BTBD9: variants seen among roughly 807,000 people sequenced by gnomAD.
The protein encoded by BTBD9 is BTB domain containing 9.
Under a neutral mutation model 64.3 loss-of-function variants are expected in BTBD9, and 49 were observed. The ratio of observed to expected loss-of-function variants is 0.76; its 90% CI spans 0.61 to 0.97. BTBD9 has a LOEUF of 0.97. Ranked by LOEUF, BTBD9 falls within the 50% of genes least tolerant of loss-of-function variation. The probability of loss-of-function intolerance (pLI) is 0.00; values close to 1 mark genes in which losing one functional copy is unlikely to be tolerated. For missense variants in BTBD9, 598 were observed against 762.1 expected (o/e 0.78, Z 2.53); for synonymous variants, 260 against 274.7 (o/e 0.95, Z 0.53).
At chr6:38,536,423 C>G (rs995963254) in intron 6 of BTBD9, among the ~76,000 whole-genome samples, 2 of 152,116 alleles carry the variant, frequency 1.3e-5, no homozygotes, top group African/African-American at 4.8e-5. Flanking sequence ...TCTGGAGATT[C>G]CTCACAAAAC....
chr6:38,437,775 T>C (rs553752559), intron 6 of BTBD9, among the ~76,000 whole-genome samples: 1 of 152,286 alleles, frequency 6.6e-6, no homozygotes. Context: ...TAAAATACAA[T>C]TTTTAAGCAG....
At chr6:38,376,587 A>G (rs1251623987) in intron 6 of BTBD9, among the ~76,000 whole-genome samples, 1 of 152,214 alleles carries the variant, frequency 6.6e-6, no homozygotes, top group African/African-American at 2.4e-5. Flanking sequence ...AAATCCAGAA[A>G]CAAAAGCTGT....
intron 6 of BTBD9, among the ~76,000 whole-genome samples, chr6:38,451,316 G>A (rs140302646): frequency 7.0e-4 from 107 of 152,270 alleles, no homozygotes; most frequent in African/African-American, 2.5e-3. Flanking sequence ...GATATTTTGT[G>A]CTTACTAAAG....
rs539850669 is a variant in BTBD9 at position 38,426,688 on chromosome 6, G to A, written c.1155-81595C>T. Among the ~76,000 whole-genome samples, 3 of 151,996 alleles carry A rather than the reference G, an allele frequency of 2.0e-5. No homozygotes were observed. The South Asian group carries it at 6.2e-4, about 31-fold the overall frequency. On this transcript the variant is annotated intron_variant, in intron 6 of 10. Coordinates refer to ENST00000481247, the MANE Select transcript of BTBD9 (RefSeq NM_001099272.2). ...CCTGCATGGCTAAGTGCCTGGGTTC[G>A]TCCTAATTGAGCTGAACACTAGTCA...
chr6:38,286,690 G>T (rs1052315745), intron 8 of BTBD9, among the ~76,000 whole-genome samples: 4 of 152,094 alleles, frequency 2.6e-5, no homozygotes, highest in Admixed American at 6.5e-5. Context: ...AGTCAAGGAC[G>T]AACTGCATTT....
At chr6:38,621,998 G>A (rs895085747) in intron 1 of BTBD9, among the ~76,000 whole-genome samples, 3 of 152,268 alleles carry the variant, frequency 2.0e-5, no homozygotes, top group Middle Eastern at 3.4e-3. Flanking sequence ...GGTGGTTAAC[G>A]ACATTAGAGG....
At chr6:38,334,602 TAAC>T (rs1763812356) in intron 7 of BTBD9, among the ~76,000 whole-genome samples, 1 of 145,066 alleles carries the variant, frequency 6.9e-6, no homozygotes, top group Non-Finnish European at 1.5e-5. Flanking sequence ...TAACATAACA[TAAC>T]ATAACATAAC....
intron 6 of BTBD9, among the ~76,000 whole-genome samples, chr6:38,532,939 G>A (rs1773862145): frequency 6.6e-6 from 1 of 151,724 alleles, no homozygotes; most frequent in South Asian, 2.1e-4. Flanking sequence ...GGCGAGTAGA[G>A]CACAAAGTGG....
At chr6:38,362,834 G>A (rs902314574) in intron 6 of BTBD9, among the ~76,000 whole-genome samples, 1 of 152,164 alleles carries the variant, frequency 6.6e-6, no homozygotes, top group African/African-American at 2.4e-5. Context: ...ACCATGATAT[G>A]ATGGCAGAGT....
chr6:38,362,310 C>T (rs1024369457), intron 6 of BTBD9, among the ~76,000 whole-genome samples: 6 of 152,298 alleles, frequency 3.9e-5, no homozygotes, highest in East Asian at 1.9e-4. Flanking sequence ...TTTTCAGCTT[C>T]TTCTACTGGA....
intron 10 of BTBD9, 107 bp from the exon 11 acceptor site, chr6:38,175,289 G>A: frequency 8.7e-7 from 1 of 1,148,212 alleles, no homozygotes; most frequent in Non-Finnish European, 1.3e-6. Flanking sequence ...CCACCACGAG[G>A]GAGTTAGAGG....
chr6:38,274,050 A>G (rs1765285201), intron 8 of BTBD9, among the ~76,000 whole-genome samples: 2 of 152,238 alleles, frequency 1.3e-5, no homozygotes, highest in African/African-American at 4.8e-5. Context: ...GAAGATGGAT[A>G]TAGGGGAAGG....
chr6:38,350,749 G>A (rs190007669), intron 6 of BTBD9, among the ~76,000 whole-genome samples: 7 of 152,288 alleles, frequency 4.6e-5, no homozygotes, highest in South Asian at 2.1e-4. Context: ...AGGACTCTGC[G>A]GAGAACATTG....
At chr6:38,446,466 AG>A (rs892530933) in intron 6 of BTBD9, among the ~76,000 whole-genome samples, 2 of 152,124 alleles carry the variant, frequency 1.3e-5, no homozygotes, top group Admixed American at 6.6e-5. Context: ...GTGGACTGTG[AG>A]GTAGCTGTTC....
chr6:38,590,819 C>T (rs187354262), intron 4 of BTBD9, among the ~76,000 whole-genome samples: 2 of 152,090 alleles, frequency 1.3e-5, no homozygotes, highest in African/African-American at 2.4e-5. Context: ...AATAATGGTG[C>T]CTGAGAATTT....
chr6:38,554,569 T>C (rs1287845042), intron 6 of BTBD9, among the ~76,000 whole-genome samples: 2 of 152,166 alleles, frequency 1.3e-5, no homozygotes, highest in Non-Finnish European at 2.9e-5. Context: ...AAAAAAATAA[T>C]CTTCTGATTT....
intron 6 of BTBD9, chr6:38,402,851 T>C: frequency 1.4e-6 from 1 of 701,106 alleles, no homozygotes; most frequent in Non-Finnish European, 2.6e-6. Flanking sequence ...GAGGATTGCT[T>C]GAGCTCAGGA....
At chr6:38,578,946 G>A (rs1160793082) in intron 5 of BTBD9, among the ~76,000 whole-genome samples, 1 of 152,036 alleles carries the variant, frequency 6.6e-6, no homozygotes, top group Non-Finnish European at 1.5e-5. Flanking sequence ...TTAAATGAGT[G>A]AAATACGTAA....
At chr6:38,637,978 C>G (rs897216080) in intron 1 of BTBD9, among the ~76,000 whole-genome samples, 4 of 152,238 alleles carry the variant, frequency 2.6e-5, no homozygotes, top group African/African-American at 9.6e-5. Context: ...GCTAAGCCAT[C>G]TCTCTCCAGT....
Sources: gnomAD v4.1 joint callset for allele counts (sites outside exome capture counted in the v4.1 genomes callset) on GRCh38, gnomAD v4.1.1 for gene constraint, MANE v1.5 for transcripts, NCBI Gene and HGNC (gene_info 2026-07-23, HGNC 2026-07-21) for gene names.